The following DPF3 variants were observed in gnomAD, a reference collection of about 807,000 sequenced individuals.
DPF3 encodes the protein zinc finger protein DPF3.
Under a neutral mutation model 56.8 loss-of-function variants are expected in DPF3, and 18 were observed. The observed-to-expected ratio is 0.32, with a 90% CI of 0.22 to 0.47. The LOEUF (loss-of-function observed/expected upper bound fraction) is 0.47. Among genes scored for constraint, DPF3 ranks in the 20% least tolerant of loss-of-function variants. DPF3 has a pLI of 1.00. For missense variants in DPF3, 403 were observed against 488.8 expected, an observed-to-expected ratio of 0.82 and a Z score of 1.65; for synonymous variants, 188 against 180.2, an observed-to-expected ratio of 1.04 and a Z score of -0.35.
rs28455083 is a variant in DPF3 at position 72,617,620 on chromosome 14, C to T, written c.*1677G>A. On this transcript the variant is annotated 3_prime_UTR_variant, in exon 11 of 11. Transcript: ENST00000556509. Reference sequence around the variant, plus strand: ...GACCCCCATCGCTTGCCACAGGTCACTCTGCTGAAGCGTGGGGGAGACCCA... The same window carrying T: ...GACCCCCATCGCTTGCCACAGGTCATTCTGCTGAAGCGTGGGGGAGACCCA... Among the ~76,000 whole-genome samples the T allele has an allele frequency of 0.024, 3,652 of 152,296 alleles. 143 individuals are homozygous for T. Among genetic ancestry groups the T allele is most frequent in the African/African-American group, 0.083 (3,442 of 41,548 alleles).
At position 72,625,975 on chromosome 14, in the gene DPF3, G is replaced by A. The variant is rs369821926; in HGVS notation, c.984+3649C>T. Among the ~76,000 whole-genome samples the A allele has an allele frequency of 2.6e-5, 4 of 152,274 alleles. No individual in the cohort carries two copies. The East Asian group carries it at 5.8e-4, about 22-fold the overall frequency. On this transcript the variant is annotated intron_variant, in intron 9 of 10. Transcript: ENST00000556509. ...ATAAATTAACTAGAGTACAGTATTT[G>A]TGGTGCAGTTATTTCTGTCCTTAGC...
At chr14:72,881,327 T>C (rs1599522208) in intron 1 of DPF3, among the ~76,000 whole-genome samples, 1 of 151,328 alleles carries the variant, frequency 6.6e-6, no homozygotes, top group Non-Finnish European at 1.5e-5. Flanking sequence ...GTTGTTGTTG[T>C]TGTTGTTGCT....
chr14:72,635,066 T>TCA (rs1380789510), intron 8 of DPF3, among the ~76,000 whole-genome samples: 6 of 152,182 alleles, frequency 3.9e-5, no homozygotes, highest in African/African-American at 1.4e-4. Flanking sequence ...CATTCCTGAT[T>TCA]CAGCCCTAAC....
chr14:72,746,516 C>T (rs562910891), intron 3 of DPF3, among the ~76,000 whole-genome samples: 4 of 152,330 alleles, frequency 2.6e-5, no homozygotes, highest in African/African-American at 9.6e-5. Context: ...GGTCTGTTTA[C>T]CCAAAGAGGG....
At chr14:72,691,332 T>C (rs1198087796) in intron 7 of DPF3, among the ~76,000 whole-genome samples, 1 of 152,228 alleles carries the variant, frequency 6.6e-6, no homozygotes, top group Non-Finnish European at 1.5e-5. Context: ...ATACTGTGAC[T>C]TGGTTTGGAA....
intron 1 of DPF3, among the ~76,000 whole-genome samples, chr14:72,859,475 C>G (rs540788230): frequency 0.041 from 4,372 of 107,318 alleles, 243 homozygotes; most frequent in African/African-American, 0.13. Context: ...TTCCTCCCCC[C>G]CCCCCCCCAC....
intron 1 of DPF3, among the ~76,000 whole-genome samples, chr14:72,775,387 G>A (rs75732625): frequency 0.1 from 15,487 of 152,148 alleles, 1,047 homozygotes; most frequent in Admixed American, 0.18. Flanking sequence ...TTCCAACAGC[G>A]TCAATCCAGA....
chr14:72,716,125 G>A (rs1186253283), intron 5 of DPF3, among the ~76,000 whole-genome samples: 1 of 151,866 alleles, frequency 6.6e-6, no homozygotes, highest in Non-Finnish European at 1.5e-5. Context: ...ACAGCAGACT[G>A]GGGAAGGGGC....
chr14:72,888,459 A>G (rs1476428940), intron 1 of DPF3, among the ~76,000 whole-genome samples: 1 of 152,210 alleles, frequency 6.6e-6, no homozygotes, highest in Non-Finnish European at 1.5e-5. Flanking sequence ...AAGAAAAACA[A>G]ATTACAAAAA....
At chr14:72,648,581 A>C (rs1885797963) in intron 8 of DPF3, among the ~76,000 whole-genome samples, 1 of 151,472 alleles carries the variant, frequency 6.6e-6, no homozygotes, top group South Asian at 2.1e-4. Context: ...AAAAAAAAAA[A>C]AAAAAAGAAT....
chr14:72,715,311 G>T (rs1056525852), intron 5 of DPF3, among the ~76,000 whole-genome samples: 3 of 152,218 alleles, frequency 2.0e-5, no homozygotes, highest in African/African-American at 7.2e-5. Flanking sequence ...GTTGCTGGCA[G>T]CTCTGCAGCC....
intron 1 of DPF3, among the ~76,000 whole-genome samples, chr14:72,873,314 A>C (rs918426643): frequency 2.0e-5 from 3 of 152,402 alleles, no homozygotes; most frequent in African/African-American, 7.2e-5. Context: ...CAAAAGACAC[A>C]TGAAACAATG....
intron 8 of DPF3, among the ~76,000 whole-genome samples, chr14:72,647,223 T>G (rs552377289): frequency 3.3e-5 from 5 of 152,340 alleles, no homozygotes; most frequent in Admixed American, 1.3e-4. Flanking sequence ...GGTTTACCAC[T>G]CTTCTGCTTT....
intron 1 of DPF3, among the ~76,000 whole-genome samples, chr14:72,814,388 A>G (rs1189431311): frequency 6.6e-6 from 1 of 152,192 alleles, no homozygotes; most frequent in Non-Finnish European, 1.5e-5. Context: ...TCTGACTTTT[A>G]TATTCTCTAC....
chr14:72,668,066 A>G (rs765415106), intron 8 of DPF3, among the ~76,000 whole-genome samples: 1 of 152,210 alleles, frequency 6.6e-6, no homozygotes, highest in Non-Finnish European at 1.5e-5. Context: ...TATTCCAAGG[A>G]AAGCGCCCAG....
At chr14:72,859,002 T>A (rs1389205256) in intron 1 of DPF3, among the ~76,000 whole-genome samples, 2 of 151,902 alleles carry the variant, frequency 1.3e-5, no homozygotes, top group African/African-American at 4.9e-5. Flanking sequence ...TACACATATA[T>A]ATTTAAACAG....
intron 1 of DPF3, among the ~76,000 whole-genome samples, chr14:72,797,505 T>A (rs992580758): frequency 2.0e-5 from 3 of 152,172 alleles, no homozygotes; most frequent in South Asian, 2.1e-4. Flanking sequence ...AAACGCTTCA[T>A]GAATAAAGTA....
At chr14:72,723,757 T>C (rs759170929) in intron 4 of DPF3, 29 bp from the exon 5 acceptor site, 12 of 1,553,868 alleles carry the variant, frequency 7.7e-6, no homozygotes, top group Non-Finnish European at 1.0e-5. Flanking sequence ...ATAGAAAAGG[T>C]GAGAAACGAA....
chr14:72,615,114 A>G lies in DPF3; in HGVS notation c.*4183T>C, dbSNP rs541755744. ...GGGGACCCCCTGAAGAGGGGCTAGG[A>G]GGGGCAGCCGGGGAGTGAGAGAAGA... is the stretch of plus-strand genomic sequence containing the variant. On this transcript the variant is annotated 3_prime_UTR_variant, in exon 11 of 11. Coordinates refer to ENST00000556509, the MANE Select transcript of DPF3 (RefSeq NM_001280542.3). Among the ~76,000 whole-genome samples the G allele has an allele frequency of 4.3e-3, 656 of 152,168 alleles. 7 individuals carry two copies. Among genetic ancestry groups the G allele is most frequent in the African/African-American group, 0.015 (637 of 41,530 alleles).
Sources: allele counts gnomAD v4.1 joint callset (sites outside exome capture counted in the v4.1 genomes callset), GRCh38; gene constraint gnomAD v4.1.1; transcripts MANE v1.5; gene names NCBI Gene and HGNC (gene_info 2026-07-23, HGNC 2026-07-21).